Variants in SLC30A10 observed in about 807,000 individuals in gnomAD.
SLC30A10 encodes solute carrier family 30 member 10.
SLC30A10 carries 8 observed loss-of-function variants against 21.7 expected under a neutral mutation model. The ratio of observed to expected loss-of-function variants is 0.37; its 90% CI spans 0.22 to 0.67. SLC30A10 has a LOEUF of 0.67. SLC30A10 is among the 30% of genes least tolerant of loss of function. The pLI is 0.58. For synonymous variants in SLC30A10, 272 were observed against 279.4 expected (o/e 0.97, Z 0.26); for missense variants, 521 against 642.5 (o/e 0.81, Z 2.04).
At chr1:219,927,694 G>C in intron 1 of SLC30A10, 107 bp downstream of exon 1, 10 of 542,458 alleles carry the variant, frequency 1.8e-5, no homozygotes, top group South Asian at 8.1e-5. Context: ...AAAAAAAACA[G>C]AAAAAAAGCA....
chr1:219,928,713 G>C, upstream of SLC30A10: 1 of 397,476 alleles, frequency 2.5e-6, no homozygotes, highest in South Asian at 5.4e-5. This position sits in a 1 kb window ranked among gnomAD's most constrained non-coding sequence, Gnocchi z 6.3. Context: ...GCCTGGGCCT[G>C]ACTTGGCAGG....
intron 1 of SLC30A10, among the ~76,000 whole-genome samples, chr1:219,936,230 C>T (rs1660042972): frequency 1.3e-5 from 2 of 152,148 alleles, no homozygotes; most frequent in South Asian, 4.1e-4. Context: ...AGAATAGCCT[C>T]ATACTACTTA....
chr1:219,942,785 C>A (rs1351273732), intron 1 of SLC30A10, among the ~76,000 whole-genome samples: 3 of 152,152 alleles, frequency 2.0e-5, no homozygotes, highest in Non-Finnish European at 2.9e-5. Context: ...GTGGCTCATG[C>A]CTGAATCCCA....
chr1:219,956,756 T>C, intron 1 of SLC30A10, among the ~76,000 whole-genome samples: 2 of 151,774 alleles, frequency 1.3e-5, no homozygotes, highest in East Asian at 3.9e-4. Context: ...AGCATGAACA[T>C]ACACATTGGA....
chr1:219,923,344 T>G (rs1659740838), intron 2 of SLC30A10, among the ~76,000 whole-genome samples: 1 of 152,138 alleles, frequency 6.6e-6, no homozygotes, highest in Admixed American at 6.5e-5. Context: ...GCCTTTAGAT[T>G]AAAACGAAAC....
Position 219,928,071 on chromosome 1 carries a change from GC to G in SLC30A10, c.369del (p.Leu124CysfsTer68). On this transcript the variant is annotated frameshift_variant, in exon 1 of 4. Transcript: ENST00000366926. LOFTEE classifies it high-confidence loss of function. This position sits in a 1 kb window ranked among gnomAD's most constrained non-coding sequence, Gnocchi z 6.3. ...AGCAGCCCCACCACGTTGACCAACAGCCCCAGGACGCCGACGATGAGCACCA... is the reference window on the plus strand; with the variant it reads ...AGCAGCCCCACCACGTTGACCAACAGCCCAGGACGCCGACGATGAGCACCA... ...PELVLIVGVL[G>X]LLVNVVGLLI... 1 of 1,589,492 alleles carries G rather than the reference GC, an allele frequency of 6.3e-7. No homozygotes were observed.
chr1:219,928,100 T>G lies in SLC30A10; in HGVS notation c.341A>C (p.Glu114Ala). The change falls in exon 1 of 4, where the codon GAG (glutamate) becomes GCG (alanine). Residue 114 changes from glutamate (E) to alanine (A), a missense_variant. By Grantham distance (107) the Glu-to-Ala change is moderately radical. Transcript: ENST00000366926. This position sits in a 1 kb window ranked among gnomAD's most constrained non-coding sequence, Gnocchi z 6.3. ...CAGGACGCCGACGATGAGCACCAGCTCGGGGTCATCGATGCGCTCGGGCCG... is the reference window on the plus strand; with the variant it reads ...CAGGACGCCGACGATGAGCACCAGCGCGGGGTCATCGATGCGCTCGGGCCG... ...LARPERIDDPELVLIVGVLGL... is the reference protein window; with the variant it reads ...LARPERIDDPALVLIVGVLGL... 1 of 1,579,650 alleles carries G rather than the reference T, an allele frequency of 6.3e-7. No individual in the cohort carries two copies.
chr1:219,921,921 CAGAGAGAG>C (rs57806725), intron 2 of SLC30A10, among the ~76,000 whole-genome samples: 1 of 137,838 alleles, frequency 7.3e-6, no homozygotes, highest in Non-Finnish European at 1.5e-5. Context: ...GAGAGAGAGA[CAGAGAGAG>C]AGAGAGAGAG....
In SLC30A10 at chr1:219,913,085, TAAAG is replaced by T. The variant is rs1295764878; in HGVS notation, c.*2360_*2363del. 4.6e-5 allele frequency among the ~76,000 whole-genome samples: 7 copies of T among 152,122 alleles called. No individual in the cohort carries two copies. The highest frequency in any genetic ancestry group is 2.0e-4 in the Admixed American group (3 of 15,272). On this transcript the variant is annotated 3_prime_UTR_variant, in exon 4 of 4. Coordinates refer to ENST00000366926, the MANE Select transcript of SLC30A10 (RefSeq NM_018713.3). Reference sequence around the variant, plus strand: ...TGGGAGAATTAAAAGGCAGGACAATTAAAGAGAGAGTGAAACCCAAGTGAAAATA... The same window carrying T: ...TGGGAGAATTAAAAGGCAGGACAATTAGAGAGTGAAACCCAAGTGAAAATA...
intron 1 of SLC30A10, among the ~76,000 whole-genome samples, chr1:219,947,416 T>C (rs1321711945): frequency 1.3e-5 from 2 of 152,076 alleles, no homozygotes; most frequent in African/African-American, 4.8e-5. Context: ...ACCTGTGGTC[T>C]TGGCTACTTA....
In SLC30A10 at chr1:219,918,628, T is replaced by C; in HGVS notation, c.719-134A>G. 1 of 1,124,162 alleles carries C rather than the reference T, an allele frequency of 8.9e-7. No homozygotes were observed. Among genetic ancestry groups the C allele is most frequent in the Non-Finnish European group, 1.2e-6 (1 of 819,354 alleles). The allele number at this position is 1,124,162 out of a possible 1,614,324, so 69.6% of individuals were successfully genotyped here. A position where few individuals can be genotyped will look rare whatever the true frequency, so the allele number is the denominator to read the frequency against. On this transcript the variant is annotated intron_variant, in intron 2 of 3. Transcript: ENST00000366926. This position sits in a 1 kb window ranked among gnomAD's most constrained non-coding sequence, Gnocchi z 4.4. ...TTGGTTTTTGTTTTGGTTAGAACAG[T>C]AGGATGAATCAAAATAATGGCAACT... is the stretch of plus-strand genomic sequence containing the variant.
Position 219,934,503 on chromosome 1 carries a change from A to G in SLC30A10, n.81-7398T>C, listed in dbSNP as rs1040602598. On this transcript the variant is annotated intron_variant and non_coding_transcript_variant, in intron 1 of 8. Coordinates refer to the SLC30A10 transcript ENST00000484239. Reference sequence around the variant, plus strand: ...AGAAAAGCATAGTTTGAAAGACAATAGTTCCACATATACAAAATATAGGAA... The same window carrying G: ...AGAAAAGCATAGTTTGAAAGACAATGGTTCCACATATACAAAATATAGGAA... Among the ~76,000 whole-genome samples the G allele has an allele frequency of 3.9e-5, 6 of 152,318 alleles. No individual in the cohort carries two copies. The East Asian group carries it at 1.2e-3, about 29-fold the overall frequency.
At chr1:219,932,023 G>T (rs2102538407), upstream of SLC30A10, among the ~76,000 whole-genome samples, 1 of 151,780 alleles carries the variant, frequency 6.6e-6, no homozygotes, top group African/African-American at 2.4e-5. Context: ...AAACTCTAGA[G>T]CTTACACCCT....
At position 219,918,884 on chromosome 1, in the gene SLC30A10, G is replaced by T. The variant is rs1659611110; in HGVS notation, c.719-390C>A. 2 of 168,352 alleles carry T rather than the reference G, an allele frequency of 1.2e-5. No homozygotes were observed. Among genetic ancestry groups the T allele is most frequent in the African/African-American group, 4.8e-5 (2 of 42,074 alleles). The allele number at this position is 168,352 out of a possible 1,614,324, so 10.4% of individuals were successfully genotyped here. A position where few individuals can be genotyped will look rare whatever the true frequency, so the allele number is the denominator to read the frequency against. On this transcript the variant is annotated intron_variant, in intron 2 of 3. Coordinates refer to ENST00000366926, the MANE Select transcript of SLC30A10 (RefSeq NM_018713.3). This position sits in a 1 kb window ranked among gnomAD's most constrained non-coding sequence, Gnocchi z 4.4. ...CTGTGCTTTACGTTGTTTTAAACAT[G>T]TTTAAGGGGAGAGAGAACAAGTTGT...
chr1:219,941,665 C>G (rs1660124623), intron 1 of SLC30A10, among the ~76,000 whole-genome samples: 1 of 149,984 alleles, frequency 6.7e-6, no homozygotes, highest in African/African-American at 2.5e-5. Flanking sequence ...TCCCTCCTTT[C>G]CTTCCTCCCT....
At chr1:219,940,691 A>G (rs2102542468) in intron 1 of SLC30A10, among the ~76,000 whole-genome samples, 2 of 152,346 alleles carry the variant, frequency 1.3e-5, no homozygotes, top group Middle Eastern at 6.8e-3. Flanking sequence ...GGGTTTTCCC[A>G]TGTCCTGAGT....
rs1357579139 is a variant in SLC30A10 at position 219,927,850 on chromosome 1, C to G, written c.591G>C (p.Ser197=). The G allele has an allele frequency of 7.1e-6, 11 of 1,547,042 alleles. No individual in the cohort carries two copies. Among genetic ancestry groups the G allele is most frequent in the Non-Finnish European group, 9.6e-6 (11 of 1,146,822 alleles). ...SDSAVTLRGT[S]VERKREKGAT... ...CCCCCTTCTCCCGCTTCCTTTCCACCGAGGTCCCCCGGAGGGTTACGGCCG... is the reference window on the plus strand; with the variant it reads ...CCCCCTTCTCCCGCTTCCTTTCCACGGAGGTCCCCCGGAGGGTTACGGCCG... Residue 197 remains serine, a synonymous_variant, in exon 1 of 4, where the codon TCG becomes TCC. Coordinates refer to ENST00000366926, the MANE Select transcript of SLC30A10 (RefSeq NM_018713.3).
At chr1:219,955,368 A>G (rs922420622) in intron 1 of SLC30A10, among the ~76,000 whole-genome samples, 5 of 152,146 alleles carry the variant, frequency 3.3e-5, no homozygotes, top group African/African-American at 1.2e-4. Context: ...CACACCTTTT[A>G]GAGTCAGGGG....
chr1:219,928,704 C>G (rs1659912336), upstream of SLC30A10: 2 of 410,716 alleles, frequency 4.9e-6, no homozygotes, highest in Non-Finnish European at 8.5e-6. This position sits in a 1 kb window ranked among gnomAD's most constrained non-coding sequence, Gnocchi z 6.3. Context: ...TCCCTCGCGG[C>G]CTGGGCCTGA....
Sources: allele counts gnomAD v4.1 joint callset (sites outside exome capture counted in the v4.1 genomes callset), GRCh38; gene constraint gnomAD v4.1.1; non-coding constraint Gnocchi (gnomAD v3.1); transcripts MANE v1.5; gene names NCBI Gene and HGNC (gene_info 2026-07-23, HGNC 2026-07-21).